PLCB4: variants seen among roughly 807,000 people sequenced by gnomAD.
The protein encoded by PLCB4 is 1-phosphatidylinositol 4,5-bisphosphate phosphodiesterase beta-4.
Under a neutral mutation model 178.8 loss-of-function variants are expected in PLCB4, and 77 were observed. The ratio of observed to expected loss-of-function variants is 0.43; its 90% CI spans 0.36 to 0.52. The LOEUF is 0.52. PLCB4 is among the 20% of genes least tolerant of loss of function. The pLI is 0.00. For missense variants in PLCB4, 1,024 were observed against 1,453.4 expected (o/e 0.70, Z 4.80); for synonymous variants, 496 against 490.8 (o/e 1.01, Z -0.14).
In PLCB4 at chr20:9,372,069, C is replaced by T. The variant is rs34235974; in HGVS notation, c.586-234C>T. ...GCAAGGCCAGCTGTAGCCAGGTGTT[C>T]GCACACACAGAATCTGGCAGCATGA... is the stretch of plus-strand genomic sequence containing the variant. On this transcript the variant is annotated intron_variant, in intron 10 of 39. Transcript: ENST00000378473. 0.063 allele frequency among the ~76,000 whole-genome samples: 9,572 copies of T among 152,180 alleles called. 343 individuals carry two copies. The highest frequency in any genetic ancestry group is 0.084 in the African/African-American group (3,471 of 41,498).
At chr20:9,429,487 G>C (rs575638768) in intron 28 of PLCB4, among the ~76,000 whole-genome samples, 50 of 152,274 alleles carry the variant, frequency 3.3e-4, no homozygotes, top group African/African-American at 1.2e-3. Context: ...ACTTGAATAT[G>C]CAAAACTTTG....
chr20:9,116,429 T>C (rs537629666), intron 2 of PLCB4, among the ~76,000 whole-genome samples: 1 of 152,276 alleles, frequency 6.6e-6, no homozygotes, highest in Admixed American at 6.5e-5. Flanking sequence ...ATTCTAAAAA[T>C]GTACATATCT....
intron 1 of PLCB4, among the ~76,000 whole-genome samples, chr20:9,076,504 G>A (rs2089875455): frequency 6.6e-6 from 1 of 152,062 alleles, no homozygotes; most frequent in Non-Finnish European, 1.5e-5. Context: ...ACACCCAAGT[G>A]TACAGAAATA....
chr20:9,114,259 C>G (rs895429072), intron 2 of PLCB4, among the ~76,000 whole-genome samples: 1 of 151,946 alleles, frequency 6.6e-6, no homozygotes, highest in East Asian at 1.9e-4. Flanking sequence ...ACATTTCTAA[C>G]GAGATAATTT....
intron 3 of PLCB4, among the ~76,000 whole-genome samples, chr20:9,299,194 ATTTG>A (rs2094675515): frequency 6.6e-6 from 1 of 151,998 alleles, no homozygotes; most frequent in South Asian, 2.1e-4. Flanking sequence ...TCTTCCTGTT[ATTTG>A]TTCTTGCCAG....
intron 2 of PLCB4, among the ~76,000 whole-genome samples, chr20:9,134,955 G>A (rs1028021239): frequency 6.6e-6 from 1 of 152,020 alleles, no homozygotes; most frequent in Non-Finnish European, 1.5e-5. Flanking sequence ...AATGACTTTT[G>A]CCATTGAGTA....
chr20:9,348,823 A>G (rs1189641964), intron 7 of PLCB4, among the ~76,000 whole-genome samples: 2 of 152,194 alleles, frequency 1.3e-5, no homozygotes, highest in Non-Finnish European at 2.9e-5. Context: ...CACCTGTATC[A>G]GTGAAGTTAT....
chr20:9,157,829 G>T (rs749666802), intron 2 of PLCB4, among the ~76,000 whole-genome samples: 13 of 152,128 alleles, frequency 8.5e-5, no homozygotes, highest in Non-Finnish European at 1.5e-4. Context: ...CTATTTGGGA[G>T]ACTGTGGCTA....
chr20:9,321,094 T>C (rs1198452869), intron 4 of PLCB4, among the ~76,000 whole-genome samples: 5 of 152,236 alleles, frequency 3.3e-5, no homozygotes, highest in African/African-American at 1.2e-4. Context: ...GAGACTTCTT[T>C]ATCTAGGCTG....
chr20:9,307,452 T>C (rs1170724999), intron 3 of PLCB4, among the ~76,000 whole-genome samples: 1 of 151,544 alleles, frequency 6.6e-6, no homozygotes, highest in Admixed American at 6.6e-5. Flanking sequence ...TGGTCTACGG[T>C]TTCCTTATTT....
chr20:9,265,138 G>A (rs984138317), intron 3 of PLCB4, among the ~76,000 whole-genome samples: 4 of 152,158 alleles, frequency 2.6e-5, no homozygotes, highest in Admixed American at 6.6e-5. Context: ...TCTGTTCAGT[G>A]TTGTAGTATT....
chr20:9,202,798 T>C (rs1404235249), intron 2 of PLCB4, among the ~76,000 whole-genome samples: 1 of 152,118 alleles, frequency 6.6e-6, no homozygotes, highest in Non-Finnish European at 1.5e-5. Context: ...CAGAGCAGGC[T>C]GTTTTTCAAA....
At chr20:9,446,983 A>G (rs570723518) in intron 32 of PLCB4, among the ~76,000 whole-genome samples, 3 of 152,218 alleles carry the variant, frequency 2.0e-5, no homozygotes, top group South Asian at 4.1e-4. Flanking sequence ...AATGTGGTGA[A>G]TCTATTACCA....
At chr20:9,307,923 C>T in intron 4 of PLCB4, 25 bp downstream of exon 4, 3 of 935,778 alleles carry the variant, frequency 3.2e-6, no homozygotes. Flanking sequence ...TTAATCTTTT[C>T]TCTCAAAACA....
chr20:9,237,234 G>A (rs763419884), intron 3 of PLCB4, among the ~76,000 whole-genome samples: 1 of 152,062 alleles, frequency 6.6e-6, no homozygotes, highest in South Asian at 2.1e-4. Context: ...TCTCAGATCA[G>A]GATGTGTGTG....
intron 2 of PLCB4, among the ~76,000 whole-genome samples, chr20:9,097,670 C>T (rs1273280588): frequency 2.6e-5 from 4 of 152,054 alleles, no homozygotes; most frequent in Non-Finnish European, 5.9e-5. Context: ...CAAGAATGAC[C>T]ATTCACCTCC....
intron 2 of PLCB4, among the ~76,000 whole-genome samples, chr20:9,211,980 CA>C (rs1333758269): frequency 6.6e-6 from 1 of 152,202 alleles, no homozygotes; most frequent in African/African-American, 2.4e-5. Context: ...AAAACGTCCA[CA>C]AGGTCTTCCC....
intron 28 of PLCB4, among the ~76,000 whole-genome samples, chr20:9,434,098 A>G (rs549352867): frequency 6.6e-6 from 1 of 152,274 alleles, no homozygotes; most frequent in African/African-American, 2.4e-5. Flanking sequence ...TAAAGAAATT[A>G]TCACCATTCA....
At chr20:9,142,395 A>T (rs916949083) in intron 2 of PLCB4, among the ~76,000 whole-genome samples, 3 of 152,146 alleles carry the variant, frequency 2.0e-5, no homozygotes, top group African/African-American at 7.2e-5. Flanking sequence ...TGTGGACCAG[A>T]GGAATGGAAT....
Sources: gnomAD v4.1 joint callset for allele counts (sites outside exome capture counted in the v4.1 genomes callset) on GRCh38, gnomAD v4.1.1 for gene constraint, MANE v1.5 for transcripts, NCBI Gene and HGNC (gene_info 2026-07-23, HGNC 2026-07-21) for gene names.